Variants in VEGFC observed in about 807,000 individuals in gnomAD.
VEGFC encodes vascular endothelial growth factor C.
VEGFC carries 12 observed loss-of-function variants against 46.1 expected under a neutral mutation model. That is an observed-to-expected ratio of 0.26 (90% CI 0.17 to 0.42). The LOEUF (loss-of-function observed/expected upper bound fraction) is 0.42. Ranked by LOEUF, VEGFC falls within the 10% of genes least tolerant of loss-of-function variation. VEGFC has a pLI of 1.00. For missense variants in VEGFC, 488 were observed against 529.4 expected (o/e 0.92, Z 0.77); for synonymous variants, 232 against 195.5 (o/e 1.19, Z -1.56).
intron 3 of VEGFC, among the ~76,000 whole-genome samples, chr4:176,719,633 C>G (rs1183989969): frequency 6.6e-6 from 1 of 152,172 alleles, no homozygotes; most frequent in African/African-American, 2.4e-5. Flanking sequence ...ATTTCGCTTG[C>G]TAATTTGTTA....
At chr4:176,758,041 T>G (rs1011119040) in intron 1 of VEGFC, among the ~76,000 whole-genome samples, 1 of 152,134 alleles carries the variant, frequency 6.6e-6, no homozygotes, top group South Asian at 2.1e-4. Context: ...CACTTTCTTT[T>G]GTAAATTACT....
At chr4:176,687,794 T>C (rs779897422) in intron 5 of VEGFC, 27 bp downstream of exon 5, 94 of 1,501,460 alleles carry the variant, frequency 6.3e-5, no homozygotes, top group Non-Finnish European at 7.8e-5. Context: ...CCCTGGCGTT[T>C]AGTCTTTAAA....
intron 1 of VEGFC, among the ~76,000 whole-genome samples, chr4:176,785,104 G>C (rs1735979659): frequency 1.3e-5 from 2 of 152,120 alleles, no homozygotes; most frequent in African/African-American, 4.8e-5. Context: ...CATAGGTTCT[G>C]CAGTTAGCAA....
intron 1 of VEGFC, among the ~76,000 whole-genome samples, chr4:176,731,254 A>G (rs917280447): frequency 6.6e-6 from 1 of 152,010 alleles, no homozygotes; most frequent in African/African-American, 2.4e-5. Flanking sequence ...TGCCAAAAAA[A>G]CTCACTTATG....
chr4:176,742,495 A>T (rs1364706202), intron 1 of VEGFC, among the ~76,000 whole-genome samples: 1 of 151,982 alleles, frequency 6.6e-6, no homozygotes, highest in Non-Finnish European at 1.5e-5. Context: ...TTCTATTTTT[A>T]GTTCTTTGAG....
intron 3 of VEGFC, among the ~76,000 whole-genome samples, chr4:176,726,982 T>C (rs1157487697): frequency 6.6e-6 from 1 of 152,222 alleles, no homozygotes; most frequent in Non-Finnish European, 1.5e-5. Flanking sequence ...CGGGAGAAGT[T>C]TGCTTCAGTC....
intron 1 of VEGFC, among the ~76,000 whole-genome samples, chr4:176,756,846 A>T (rs1030011733): frequency 1.3e-5 from 2 of 152,142 alleles, no homozygotes; most frequent in African/African-American, 4.8e-5. Flanking sequence ...ATGACAGCTT[A>T]GCCTAGAAGA....
intron 1 of VEGFC, among the ~76,000 whole-genome samples, chr4:176,730,533 C>T (rs1734945476): frequency 6.6e-6 from 1 of 152,022 alleles, no homozygotes; most frequent in South Asian, 2.1e-4. Flanking sequence ...AAGTAAAATA[C>T]AACATCAATT....
intron 1 of VEGFC, among the ~76,000 whole-genome samples, chr4:176,765,137 T>C (rs1238668466): frequency 1.3e-5 from 2 of 152,218 alleles, no homozygotes; most frequent in South Asian, 4.1e-4. Flanking sequence ...TAGAATTTAT[T>C]TTACAAAACA....
chr4:176,778,245 T>C (rs966010810), intron 1 of VEGFC, among the ~76,000 whole-genome samples: 1 of 152,156 alleles, frequency 6.6e-6, no homozygotes, highest in Non-Finnish European at 1.5e-5. Flanking sequence ...CTGTGGCAAA[T>C]GCAGTTTCCT....
chr4:176,791,588 A>G (rs993715127), intron 1 of VEGFC, among the ~76,000 whole-genome samples: 2 of 151,068 alleles, frequency 1.3e-5, no homozygotes, highest in Non-Finnish European at 2.9e-5. Context: ...TTGTGATCTA[A>G]CTGACTCTAA....
intron 1 of VEGFC, among the ~76,000 whole-genome samples, chr4:176,761,679 T>C (rs1005449417): frequency 6.6e-6 from 1 of 152,232 alleles, no homozygotes; most frequent in Non-Finnish European, 1.5e-5. Context: ...TCTCTGATTG[T>C]CAGCCAGTTT....
intron 4 of VEGFC, among the ~76,000 whole-genome samples, chr4:176,697,426 T>A (rs569906127): frequency 5.9e-5 from 9 of 152,118 alleles, no homozygotes; most frequent in Admixed American, 4.6e-4. Flanking sequence ...AAATCAAAAC[T>A]ACAATGAGAT....
Position 176,760,275 on chromosome 4 carries a change from G to C in VEGFC, c.148-30529C>G, listed in dbSNP as rs527885277. On this transcript the variant is annotated intron_variant, in intron 1 of 6. Transcript: ENST00000618562. ...AGAAATTACCTACAAAGATCTTAAAGTTCTTCTGTAACTTGAAAAACAATT... is the reference window on the plus strand; with the variant it reads ...AGAAATTACCTACAAAGATCTTAAACTTCTTCTGTAACTTGAAAAACAATT... 1.4e-4 allele frequency among the ~76,000 whole-genome samples: 22 copies of C among 152,170 alleles called. 1 individual carries two copies. The highest frequency in any genetic ancestry group is 1.2e-3 in the Admixed American group (19 of 15,276).
intron 3 of VEGFC, among the ~76,000 whole-genome samples, chr4:176,727,164 T>C (rs1193351726): frequency 6.6e-6 from 1 of 152,234 alleles, no homozygotes; most frequent in Non-Finnish European, 1.5e-5. Context: ...TGAAAATCCC[T>C]GATCCAAAGC....
intron 3 of VEGFC, among the ~76,000 whole-genome samples, chr4:176,713,661 T>C (rs1348455213): frequency 1.3e-5 from 2 of 152,090 alleles, no homozygotes; most frequent in Non-Finnish European, 2.9e-5. Context: ...GTCTTGGACA[T>C]TGATGAGATT....
At chr4:176,787,817 C>A (rs1736028704) in intron 1 of VEGFC, among the ~76,000 whole-genome samples, 1 of 152,162 alleles carries the variant, frequency 6.6e-6, no homozygotes, top group African/African-American at 2.4e-5. Flanking sequence ...TATAATTACA[C>A]TATAACTCAA....
intron 1 of VEGFC, among the ~76,000 whole-genome samples, chr4:176,769,433 A>G (rs79617919): frequency 3.9e-5 from 6 of 152,242 alleles, no homozygotes; most frequent in Non-Finnish European, 7.4e-5. Flanking sequence ...AGAACAGAGA[A>G]GTTCTAATAA....
At chr4:176,735,077 A>G (rs76819293) in intron 1 of VEGFC, among the ~76,000 whole-genome samples, 197 of 151,814 alleles carry the variant, frequency 1.3e-3, no homozygotes, top group African/African-American at 4.6e-3. Flanking sequence ...CACCTCTGTC[A>G]TGGAATTTTG....
Sources: gnomAD v4.1 joint callset for allele counts (sites outside exome capture counted in the v4.1 genomes callset) on GRCh38, gnomAD v4.1.1 for gene constraint, MANE v1.5 for transcripts, NCBI Gene and HGNC (gene_info 2026-07-23, HGNC 2026-07-21) for gene names.